PACRG: variants seen among roughly 807,000 people sequenced by gnomAD.
PACRG encodes the protein parkin coregulated gene protein.
A neutral mutation model predicts 29.7 loss-of-function variants in PACRG; 29 were observed. The observed-to-expected ratio is 0.98, with a 90% CI of 0.73 to 1.33. The LOEUF (loss-of-function observed/expected upper bound fraction) is 1.33, where lower values mean the gene tolerates loss of function less well. Ranked by LOEUF, PACRG falls within the 40% of genes most tolerant of loss-of-function variation. The pLI is 0.00. For missense variants in PACRG, 279 were observed against 316.2 expected, an observed-to-expected ratio of 0.88 and a Z score of 0.89; for synonymous variants, 116 against 118.7, an observed-to-expected ratio of 0.98 and a Z score of 0.15.
At chr6:162,988,343 G>C (rs1286228768) in intron 2 of PACRG, among the ~76,000 whole-genome samples, 1 of 152,184 alleles carries the variant, frequency 6.6e-6, no homozygotes, top group African/African-American at 2.4e-5. Flanking sequence ...TCGAGGTAGA[G>C]AGAGCAATAG....
At chr6:162,843,653 CT>C (rs1790023308) in intron 2 of PACRG, among the ~76,000 whole-genome samples, 1 of 137,902 alleles carries the variant, frequency 7.3e-6, no homozygotes, top group Admixed American at 7.6e-5. Context: ...AACTGCGTTC[CT>C]TTGGAGGAGG....
At chr6:163,143,263 A>G (rs1249820541) in intron 4 of PACRG, among the ~76,000 whole-genome samples, 1 of 152,150 alleles carries the variant, frequency 6.6e-6, no homozygotes, top group Non-Finnish European at 1.5e-5. Flanking sequence ...TAAAAATAAA[A>G]CACCTCAACA....
intron 4 of PACRG, among the ~76,000 whole-genome samples, chr6:163,136,350 TCTTAAAC>T (rs1268031227): frequency 6.6e-6 from 1 of 152,228 alleles, no homozygotes; most frequent in Non-Finnish European, 1.5e-5. Context: ...TCTGGTCTGT[TCTTAAAC>T]CTTTGTGTTT....
chr6:163,037,336 TCTCA>T (rs1054686507), intron 2 of PACRG, among the ~76,000 whole-genome samples: 4 of 152,200 alleles, frequency 2.6e-5, no homozygotes, highest in South Asian at 4.1e-4. Context: ...TGTCCTCTCT[TCTCA>T]CTCCTACAAA....
intron 3 of PACRG, among the ~76,000 whole-genome samples, chr6:163,087,850 C>T (rs776494874): frequency 2.0e-5 from 3 of 151,098 alleles, no homozygotes; most frequent in East Asian, 2.0e-4. Context: ...AGACTGGGAC[C>T]GGAGCAGAGG....
In PACRG at chr6:163,089,239, G is replaced by A. The variant is rs1446965549; in HGVS notation, c.464-20G>A. 1.2e-6 allele frequency: 2 copies of A among 1,605,732 alleles called. No homozygotes were observed. Reference sequence around the variant, plus strand: ...TTTCTATTAAAATATTTTCTGCTTGGTCCTTCTTTTACCATATAGATGCCT... The same window carrying A: ...TTTCTATTAAAATATTTTCTGCTTGATCCTTCTTTTACCATATAGATGCCT... On this transcript the variant is annotated intron_variant, in intron 3 of 4. Transcript: ENST00000366888.
chr6:163,157,376 G>A lies in PACRG; in HGVS notation c.613+67968G>A, dbSNP rs983821352. On this transcript the variant is annotated intron_variant, in intron 4 of 4. Transcript: ENST00000366888. ...CAAAGCCTCCCAGGACCCACCCTCC[G>A]AGGTGGAACGGCACACTCCTTCTAG... 2.6e-5 allele frequency among the ~76,000 whole-genome samples: 4 copies of A among 152,158 alleles called. No individual in the cohort carries two copies. The East Asian group carries it at 5.8e-4, about 22-fold the overall frequency.
chr6:163,019,189 T>C lies in PACRG; in HGVS notation c.292-42961T>C, dbSNP rs569984313. On this transcript the variant is annotated intron_variant, in intron 2 of 4. Coordinates refer to ENST00000366888, the MANE Select transcript of PACRG (RefSeq NM_001080379.2). ...TATGATATTTCTTATTCTCTCCTTT[T>C]TAAAATAATAATTTTGTAAGGGATT... is the stretch of plus-strand genomic sequence containing the variant. Among the ~76,000 whole-genome samples, 335 of 152,324 alleles carry C rather than the reference T, an allele frequency of 2.2e-3. 1 individual carries two copies. The highest frequency in any genetic ancestry group is 7.8e-3 in the African/African-American group (325 of 41,582).
chr6:163,263,421 G>A (rs1272563169), intron 4 of PACRG, among the ~76,000 whole-genome samples: 3 of 152,144 alleles, frequency 2.0e-5, no homozygotes, highest in African/African-American at 4.8e-5. Flanking sequence ...GAGTCAGCAC[G>A]TACAGAACAC....
intron 4 of PACRG, among the ~76,000 whole-genome samples, chr6:163,208,776 T>A (rs537253409): frequency 6.6e-6 from 1 of 152,318 alleles, no homozygotes; most frequent in East Asian, 1.9e-4. Flanking sequence ...CCTCAAACTA[T>A]GTGGATTAGC....
At chr6:162,754,653 A>T (rs554630362) in intron 1 of PACRG, among the ~76,000 whole-genome samples, 1 of 151,782 alleles carries the variant, frequency 6.6e-6, no homozygotes, top group African/African-American at 2.4e-5. Context: ...TTTACATATG[A>T]TATAAGAGCC....
At chr6:163,103,560 CTTGTT>C (rs960498277) in intron 4 of PACRG, among the ~76,000 whole-genome samples, 23 of 152,072 alleles carry the variant, frequency 1.5e-4, no homozygotes, top group Non-Finnish European at 2.5e-4. Flanking sequence ...GGAATAATCC[CTTGTT>C]TTAAGGTCAG....
intron 2 of PACRG, among the ~76,000 whole-genome samples, chr6:162,980,601 A>G (rs896514515): frequency 1.3e-5 from 2 of 152,210 alleles, no homozygotes; most frequent in East Asian, 1.9e-4. Context: ...GAAACATCCT[A>G]TGGAGTAGCA....
At position 163,298,556 on chromosome 6, in the gene PACRG, AT is replaced by A. The variant is rs539370072; in HGVS notation, c.614-16270del. On this transcript the variant is annotated intron_variant, in intron 4 of 4. Transcript: ENST00000366888. The stretch of plus-strand genomic sequence containing the variant: ...CACTTTTGAGAATTCTTTCAAGGAA[AT>A]AATACAACTAAGGAAAAAGACTTTA... Among the ~76,000 whole-genome samples the A allele has an allele frequency of 9.5e-3, 1,440 of 152,350 alleles. 13 individuals carry two copies. The highest frequency in any genetic ancestry group is 0.014 in the Non-Finnish European group (924 of 68,028).
At chr6:163,056,768 A>G (rs921155725) in intron 2 of PACRG, among the ~76,000 whole-genome samples, 7 of 152,296 alleles carry the variant, frequency 4.6e-5, no homozygotes, top group Non-Finnish European at 8.8e-5. Flanking sequence ...AGAAGCCAAC[A>G]TGGCAGATTA....
At chr6:163,301,295 T>C (rs1784993877) in intron 4 of PACRG, among the ~76,000 whole-genome samples, 2 of 152,172 alleles carry the variant, frequency 1.3e-5, no homozygotes, top group South Asian at 4.1e-4. Flanking sequence ...CACGTCTGGG[T>C]GCCATTTGCA....
intron 2 of PACRG, among the ~76,000 whole-genome samples, chr6:162,877,603 A>T (rs1216377257): frequency 6.6e-6 from 1 of 152,166 alleles, no homozygotes; most frequent in Non-Finnish European, 1.5e-5. Context: ...AAAGAAAAAA[A>T]AAAGGAAAAT....
At chr6:163,045,861 G>A (rs1381495933) in intron 2 of PACRG, among the ~76,000 whole-genome samples, 3 of 151,458 alleles carry the variant, frequency 2.0e-5, no homozygotes, top group Non-Finnish European at 4.4e-5. Flanking sequence ...TGATCCACCC[G>A]CCTCAGCCTC....
intron 4 of PACRG, among the ~76,000 whole-genome samples, chr6:163,245,614 A>C (rs1782663495): frequency 6.6e-6 from 1 of 152,030 alleles, no homozygotes; most frequent in Admixed American, 6.6e-5. Flanking sequence ...TGGCCATCTC[A>C]AATTCAGCCT....
Sources: gnomAD v4.1 joint callset for allele counts (sites outside exome capture counted in the v4.1 genomes callset) on GRCh38, gnomAD v4.1.1 for gene constraint, MANE v1.5 for transcripts, NCBI Gene and HGNC (gene_info 2026-07-23, HGNC 2026-07-21) for gene names.